Variants in GUCY1A2 observed in about 807,000 individuals in gnomAD.
GUCY1A2 encodes guanylate cyclase 1 soluble subunit alpha 2, also known as guanylate cyclase soluble subunit alpha-2.
GUCY1A2 carries 27 observed loss-of-function variants against 63.5 expected under a neutral mutation model. The observed-to-expected ratio is 0.43, with a 90% CI of 0.31 to 0.59. The LOEUF is 0.59. Ranked by LOEUF, GUCY1A2 falls within the 20% of genes least tolerant of loss-of-function variation. GUCY1A2 has a pLI of 0.11. For missense variants in GUCY1A2, 768 were observed against 913.3 expected (o/e 0.84, Z 2.05); for synonymous variants, 364 against 343.5 (o/e 1.06, Z -0.66).
At chr11:106,866,431 C>A (rs530024576) in intron 4 of GUCY1A2, among the ~76,000 whole-genome samples, 1 of 152,132 alleles carries the variant, frequency 6.6e-6, no homozygotes, top group African/African-American at 2.4e-5. Context: ...GACGTCGCTG[C>A]TGCTATTCAA....
At chr11:106,902,403 C>T (rs905299667) in intron 4 of GUCY1A2, among the ~76,000 whole-genome samples, 1 of 152,176 alleles carries the variant, frequency 6.6e-6, no homozygotes, top group African/African-American at 2.4e-5. Flanking sequence ...AACTTAAAGT[C>T]ACCAGCTGCA....
chr11:106,944,514 A>C (rs1299411424), intron 3 of GUCY1A2, among the ~76,000 whole-genome samples: 4 of 152,110 alleles, frequency 2.6e-5, no homozygotes, highest in African/African-American at 9.7e-5. Flanking sequence ...GGGAGGAGAA[A>C]GAAGATCACA....
chr11:106,804,730 T>C (rs868664070), intron 5 of GUCY1A2, among the ~76,000 whole-genome samples: 1 of 152,216 alleles, frequency 6.6e-6, no homozygotes, highest in Non-Finnish European at 1.5e-5. Context: ...TTTGATGAGG[T>C]TGCCATATTC....
intron 5 of GUCY1A2, among the ~76,000 whole-genome samples, chr11:106,806,145 G>A (rs1858681457): frequency 6.6e-6 from 1 of 152,024 alleles, no homozygotes; most frequent in Admixed American, 6.6e-5. Flanking sequence ...TGTCTAGATA[G>A]ATACACCTGT....
At chr11:106,965,623 T>C (rs1196463665) in intron 3 of GUCY1A2, among the ~76,000 whole-genome samples, 2 of 152,202 alleles carry the variant, frequency 1.3e-5, no homozygotes, top group Admixed American at 1.3e-4. Context: ...TTATACCTCC[T>C]GCCATGTGGC....
At chr11:106,728,766 C>G (rs1178021962) in intron 6 of GUCY1A2, among the ~76,000 whole-genome samples, 1 of 152,110 alleles carries the variant, frequency 6.6e-6, no homozygotes, top group Non-Finnish European at 1.5e-5. Context: ...TTTGCAACCC[C>G]ATCTAAATCT....
chr11:106,847,255 TATAA>T (rs1859287408), intron 4 of GUCY1A2, among the ~76,000 whole-genome samples: 3 of 146,850 alleles, frequency 2.0e-5, no homozygotes, highest in South Asian at 2.1e-4. Flanking sequence ...TATATATATA[TATAA>T]AAAATTGTGG....
intron 6 of GUCY1A2, among the ~76,000 whole-genome samples, chr11:106,709,252 A>T (rs1458115405): frequency 3.5e-5 from 2 of 57,090 alleles, no homozygotes; most frequent in Non-Finnish European, 2.9e-5. Context: ...TATTGTATAT[A>T]ATATATATAA....
intron 4 of GUCY1A2, 144 bp from the exon 5 acceptor site, chr11:106,810,622 A>T: frequency 1.7e-6 from 1 of 589,686 alleles, no homozygotes; most frequent in South Asian, 3.7e-5. Context: ...TTTAAATCTG[A>T]TTTTCAGCCA....
intron 6 of GUCY1A2, among the ~76,000 whole-genome samples, chr11:106,761,276 G>A (rs555671780): frequency 3.9e-5 from 6 of 152,174 alleles, no homozygotes; most frequent in Non-Finnish European, 8.8e-5. Context: ...ACTTTTAAAA[G>A]CTTACAAAAT....
intron 4 of GUCY1A2, among the ~76,000 whole-genome samples, chr11:106,845,856 C>A (rs1466717621): frequency 6.6e-6 from 1 of 151,630 alleles, no homozygotes; most frequent in Non-Finnish European, 1.5e-5. Flanking sequence ...TGTCACCCTA[C>A]AGATAACTTG....
At chr11:106,934,985 T>C (rs1445042436) in intron 4 of GUCY1A2, among the ~76,000 whole-genome samples, 1 of 152,188 alleles carries the variant, frequency 6.6e-6, no homozygotes, top group Non-Finnish European at 1.5e-5. Flanking sequence ...CATTAGTAGA[T>C]ACAGGTAATG....
intron 4 of GUCY1A2, among the ~76,000 whole-genome samples, chr11:106,891,835 G>A (rs1859979055): frequency 6.6e-6 from 1 of 151,980 alleles, no homozygotes; most frequent in African/African-American, 2.4e-5. Context: ...GGTCTTGCTT[G>A]TTCTCTAACA....
chr11:106,840,665 G>C (rs898161597), intron 4 of GUCY1A2, among the ~76,000 whole-genome samples: 2 of 151,792 alleles, frequency 1.3e-5, no homozygotes, highest in African/African-American at 4.8e-5. Context: ...ATAATTCTGT[G>C]ATACTTTTTG....
intron 6 of GUCY1A2, among the ~76,000 whole-genome samples, chr11:106,748,919 T>A (rs1863836929): frequency 6.6e-6 from 1 of 152,072 alleles, no homozygotes; most frequent in East Asian, 1.9e-4. Flanking sequence ...GGGTATTATT[T>A]CATAAATTTT....
At chr11:106,841,285 CT>C (rs1859193853) in intron 4 of GUCY1A2, among the ~76,000 whole-genome samples, 6 of 151,936 alleles carry the variant, frequency 3.9e-5, no homozygotes, top group South Asian at 2.1e-4. Flanking sequence ...TTCGAGGAGG[CT>C]TTTTTGGCTC....
At chr11:106,964,391 ACAAAGAGTTAAATAGGCCC>A (rs1861100124) in intron 3 of GUCY1A2, among the ~76,000 whole-genome samples, 1 of 152,162 alleles carries the variant, frequency 6.6e-6, no homozygotes, top group South Asian at 2.1e-4. Context: ...TGCTGTGGTT[ACAAAGAGTTAAATAGGCCC>A]CAAAGAGTTA....
intron 4 of GUCY1A2, among the ~76,000 whole-genome samples, chr11:106,851,132 T>G (rs1170123021): frequency 1.3e-5 from 2 of 152,060 alleles, no homozygotes; most frequent in African/African-American, 4.8e-5. Flanking sequence ...GCCATTTGTA[T>G]GTCTCCCTTT....
chr11:107,012,252 T>G (rs1378035720), intron 1 of GUCY1A2, among the ~76,000 whole-genome samples: 2 of 114,776 alleles, frequency 1.7e-5, no homozygotes, highest in Non-Finnish European at 3.4e-5. Flanking sequence ...ATACAGTGCT[T>G]CTTATTACTT....
Sources: gnomAD v4.1 joint callset for allele counts (sites outside exome capture counted in the v4.1 genomes callset) on GRCh38, gnomAD v4.1.1 for gene constraint, MANE v1.5 for transcripts, NCBI Gene and HGNC (gene_info 2026-07-23, HGNC 2026-07-21) for gene names.